Variants in SLC17A4 observed in about 807,000 individuals in gnomAD.
The protein encoded by SLC17A4 is probable small intestine urate exporter.
In SLC17A4, 33 loss-of-function variants were observed where a neutral mutation model predicts 52.5. The observed-to-expected ratio is 0.63, with a 90% CI of 0.48 to 0.84. SLC17A4 has a LOEUF of 0.84. SLC17A4 is among the 40% of genes least tolerant of loss of function. The pLI is 0.00. For missense variants in SLC17A4, 585 were observed against 597.1 expected (o/e 0.98, Z 0.21); for synonymous variants, 225 against 216.2 (o/e 1.04, Z -0.36).
At chr6:25,772,698 G>C (rs1358540851) in intron 6 of SLC17A4, among the ~76,000 whole-genome samples, 1 of 152,146 alleles carries the variant, frequency 6.6e-6, no homozygotes, top group Non-Finnish European at 1.5e-5. Flanking sequence ...GAAGATAAGA[G>C]ATAGATATGG....
In SLC17A4 at chr6:25,773,691, C is replaced by A. The variant is rs557485074; in HGVS notation, c.987+17C>A. 1 of 1,608,784 alleles carries A rather than the reference C, an allele frequency of 6.2e-7. No individual in the cohort carries two copies. The highest frequency in any genetic ancestry group is 2.2e-5 in the East Asian group (1 of 44,842). On this transcript the variant is annotated intron_variant, in intron 8 of 11. Coordinates refer to ENST00000377905, the MANE Select transcript of SLC17A4 (RefSeq NM_005495.3). ...CTCAGAGATGTAAGTACAGAGAAAG[C>A]TCATTCTGATCTTCTGTTTAAATGC...
chr6:25,755,189 C>T (rs879736845), intron 1 of SLC17A4, among the ~76,000 whole-genome samples: 1 of 151,856 alleles, frequency 6.6e-6, no homozygotes, highest in African/African-American at 2.4e-5. Flanking sequence ...CACAGTGAGA[C>T]AATAAATGCC....
At position 25,777,985 on chromosome 6, in the gene SLC17A4, C is replaced by T; in HGVS notation, c.1328C>T (p.Ser443Phe). The T allele has an allele frequency of 4.3e-6, 7 of 1,612,870 alleles. No homozygotes were observed. The highest frequency in any genetic ancestry group is 2.2e-5 in the East Asian group (1 of 44,866). ...QVFAHIAGAI[S>F]PTAAGFFISQ... ...TTTGCACACATAGCTGGAGCCATCT[C>T]TCCTACTGCTGCTGGATTTTTCATC... Residue 443 changes from serine (S) to phenylalanine (F), a missense_variant, in exon 11 of 12, where the codon TCT (serine) becomes TTT (phenylalanine). Coordinates refer to ENST00000377905, the MANE Select transcript of SLC17A4 (RefSeq NM_005495.3).
At chr6:25,762,099 G>A (rs1264238854) in intron 2 of SLC17A4, 46 bp downstream of exon 2, 50 of 1,533,050 alleles carry the variant, frequency 3.3e-5, no homozygotes, top group Non-Finnish European at 4.5e-5. Flanking sequence ...ACTAGGATCT[G>A]TGGCACTGTA....
At chr6:25,772,296 A>C (rs1418869942) in intron 6 of SLC17A4, among the ~76,000 whole-genome samples, 1 of 152,216 alleles carries the variant, frequency 6.6e-6, no homozygotes, top group African/African-American at 2.4e-5. Context: ...AACATCCTCC[A>C]ACCCCAATGT....
rs1311074425 is a variant in SLC17A4, at chr6:25,779,055, A to G, written c.1361A>G (p.Asp454Gly). Residue 454 changes from aspartate to glycine, a missense_variant and splice_region_variant, in exon 12 of 12, where the codon GAT becomes GGT. By Grantham distance (94) the Asp-to-Gly change is moderately conservative. Coordinates refer to ENST00000377905, the MANE Select transcript of SLC17A4 (RefSeq NM_005495.3). ...PTAAGFFISQDSEFGWRNVFL... is the reference protein window; with the variant it reads ...PTAAGFFISQGSEFGWRNVFL... Reference sequence around the variant, plus strand: ...TAACTTGTAATTTTCTGCCTCCAGGATTCAGAGTTTGGTTGGAGAAATGTC... The same window carrying G: ...TAACTTGTAATTTTCTGCCTCCAGGGTTCAGAGTTTGGTTGGAGAAATGTC... 2 of 1,613,582 alleles carry G rather than the reference A, an allele frequency of 1.2e-6. No homozygotes were observed. Among genetic ancestry groups the G allele is most frequent in the Non-Finnish European group, 1.7e-6 (2 of 1,179,706 alleles).
At chr6:25,765,854 GA>G in intron 2 of SLC17A4, among the ~76,000 whole-genome samples, 1 of 152,018 alleles carries the variant, frequency 6.6e-6, no homozygotes, top group South Asian at 2.1e-4. Context: ...CTCAAATCAT[GA>G]AAAAATTGGA....
rs141773129 is a variant in SLC17A4, at chr6:25,778,012, G to C, written c.1355G>C (p.Ser452Thr). The C allele has an allele frequency of 1.3e-6, 2 of 1,596,064 alleles. No individual in the cohort carries two copies. Among genetic ancestry groups the C allele is most frequent in the African/African-American group, 2.7e-5 (2 of 74,604 alleles). The change falls in exon 11 of 12, where the codon AGT becomes ACT. Residue 452 changes from serine to threonine, a missense_variant. Ser to Thr is a moderately conservative substitution (Grantham distance 58). Transcript: ENST00000377905. ...CCTACTGCTGCTGGATTTTTCATCA[G>C]TCAGGTGAGGTCAAATGTTCTGATG... ...ISPTAAGFFI[S>T]QDSEFGWRNV...
Position 25,776,908 on chromosome 6 carries a change from G to T in SLC17A4, c.1217G>T (p.Ser406Ile). ...TTCTTGGTGCTGTCTTCTGCCATCA[G>T]CAGCTTCTGTGAATCAGGAGCCCTT... is the stretch of plus-strand genomic sequence containing the variant. ...MTFLVLSSAI[S>I]SFCESGALVN... Residue 406 changes from serine (S) to isoleucine (I), a missense_variant, in exon 10 of 12, where the codon AGC becomes ATC. Transcript: ENST00000377905. The T allele has an allele frequency of 6.2e-7, 1 of 1,613,766 alleles. No individual in the cohort carries two copies. The highest frequency in any genetic ancestry group is 8.5e-7 in the Non-Finnish European group (1 of 1,179,826).
intron 2 of SLC17A4, among the ~76,000 whole-genome samples, chr6:25,763,932 A>G (rs1171311598): frequency 6.6e-6 from 1 of 152,222 alleles, no homozygotes; most frequent in East Asian, 1.9e-4. Context: ...GAGAAGAAAG[A>G]AGATTAATAT....
Position 25,770,998 on chromosome 6 carries a change from T to A in SLC17A4, c.692T>A (p.Val231Asp). Residue 231 changes from valine to aspartate, a missense_variant, in exon 6 of 12, where the codon GTC (valine) becomes GAC (aspartate). Coordinates refer to ENST00000377905, the MANE Select transcript of SLC17A4 (RefSeq NM_005495.3). The stretch of plus-strand genomic sequence containing the variant: ...TGCCAGACCATAGGATGGCCTTACG[T>A]CTTCTATATCTTTGGTGAGTGTGCT... ...LLCQTIGWPY[V>D]FYIFGGIGCA... The A allele has an allele frequency of 6.2e-7, 1 of 1,613,586 alleles. No individual in the cohort carries two copies. Among genetic ancestry groups the A allele is most frequent in the Middle Eastern group, 1.7e-4 (1 of 6,056 alleles).
chr6:25,762,998 C>T (rs1037147811), intron 2 of SLC17A4, among the ~76,000 whole-genome samples: 2 of 152,082 alleles, frequency 1.3e-5, no homozygotes, highest in East Asian at 1.9e-4. Flanking sequence ...GGTAAAAGCA[C>T]GGGTCAGAAA....
At chr6:25,764,602 G>A (rs73733698) in intron 2 of SLC17A4, among the ~76,000 whole-genome samples, 3,680 of 152,298 alleles carry the variant, frequency 0.024, 64 homozygotes, top group Middle Eastern at 0.095. Flanking sequence ...CATCCTTGAG[G>A]CAGGGTGCAG....
In SLC17A4 at chr6:25,770,447, CA is replaced by C; in HGVS notation, c.597del (p.Gln199HisfsTer28). On this transcript the variant is annotated frameshift_variant, in exon 5 of 12. Transcript: ENST00000377905. LOFTEE classifies it high-confidence loss of function. ...VKWAPPLERS[Q>X]LTTIAGSGSM... ...ATGGGCTCCCCCACTGGAAAGGAGTCAACTCACCACCATTGCTGGATCAGGT... is the reference window on the plus strand; with the variant it reads ...ATGGGCTCCCCCACTGGAAAGGAGTCACTCACCACCATTGCTGGATCAGGT... 6.2e-7 allele frequency: 1 copy of C among 1,614,038 alleles called. No individual in the cohort carries two copies. The highest frequency in any genetic ancestry group is 1.1e-5 in the South Asian group (1 of 91,076).
At chr6:25,759,575 G>A (rs540599324) in intron 1 of SLC17A4, among the ~76,000 whole-genome samples, 2 of 152,246 alleles carry the variant, frequency 1.3e-5, no homozygotes, top group Non-Finnish European at 2.9e-5. Context: ...AACTGCTGTT[G>A]CTTATAAGTT....
intron 2 of SLC17A4, among the ~76,000 whole-genome samples, chr6:25,766,360 C>T (rs1026986466): frequency 6.6e-6 from 1 of 152,000 alleles, no homozygotes; most frequent in African/African-American, 2.4e-5. Context: ...AGGAAAATGC[C>T]TATTTATCCT....
chr6:25,769,179 T>A lies in SLC17A4; in HGVS notation c.286T>A (p.Phe96Ile), dbSNP rs752901325. 2 of 1,613,778 alleles carry A rather than the reference T, an allele frequency of 1.2e-6. No homozygotes were observed. Among genetic ancestry groups the A allele is most frequent in the South Asian group, 1.1e-5 (1 of 91,050 alleles). ...CTACTGGAATGAAACTCTAAAAGAA[T>A]TTAAAGCAATGGTAAGTTTAATGAG... is the stretch of plus-strand genomic sequence containing the variant. The part of the protein sequence containing the change: ...QGYWNETLKE[F>I]KAMAPAYDWS... Residue 96 changes from phenylalanine to isoleucine, a missense_variant, in exon 3 of 12, where the codon TTT (phenylalanine) becomes ATT (isoleucine). By Grantham distance (21) the Phe-to-Ile change is conservative. Coordinates refer to ENST00000377905, the MANE Select transcript of SLC17A4 (RefSeq NM_005495.3).
intron 6 of SLC17A4, 22 bp downstream of exon 6, chr6:25,771,034 C>T (rs774655421): frequency 1.9e-5 from 30 of 1,589,040 alleles, no homozygotes; most frequent in Non-Finnish European, 2.2e-5. Flanking sequence ...TTTCAAATCT[C>T]CAATTTTTAT....
intron 1 of SLC17A4, among the ~76,000 whole-genome samples, chr6:25,759,598 T>G (rs577313745): frequency 3.3e-5 from 5 of 152,276 alleles, no homozygotes; most frequent in African/African-American, 1.2e-4. Flanking sequence ...TTTTGTCTGA[T>G]GTAAGAATAG....
Sources: gnomAD v4.1 joint callset for allele counts (sites outside exome capture counted in the v4.1 genomes callset) on GRCh38, gnomAD v4.1.1 for gene constraint, MANE v1.5 for transcripts, NCBI Gene and HGNC (gene_info 2026-07-23, HGNC 2026-07-21) for gene names.